The following MAN2A1 variants were observed in gnomAD, a reference collection of about 807,000 sequenced individuals.
MAN2A1 encodes the protein mannosidase alpha class 2A member 1.
MAN2A1 carries 76 observed loss-of-function variants against 142.6 expected under a neutral mutation model. The ratio of observed to expected loss-of-function variants is 0.53; its 90% CI spans 0.44 to 0.65. The LOEUF (loss-of-function observed/expected upper bound fraction) is 0.65. Ranked by LOEUF, MAN2A1 falls within the 30% of genes least tolerant of loss-of-function variation. The probability of loss-of-function intolerance (pLI) is 0.00; values close to 1 mark genes in which losing one functional copy is unlikely to be tolerated. For synonymous variants in MAN2A1, 559 were observed against 473.2 expected, an observed-to-expected ratio of 1.18 and a Z score of -2.35; for missense variants, 1,311 against 1,365.1, an observed-to-expected ratio of 0.96 and a Z score of 0.62.
At chr5:109,823,545 A>G (rs1260017467) in intron 15 of MAN2A1, among the ~76,000 whole-genome samples, 178 bp from the exon 16 acceptor site, 1 of 152,226 alleles carries the variant, frequency 6.6e-6, no homozygotes, top group Non-Finnish European at 1.5e-5. Context: ...TTTAAAAATA[A>G]AAAACACGTT....
intron 3 of MAN2A1, among the ~76,000 whole-genome samples, chr5:109,727,926 T>G (rs556509139): frequency 1.3e-4 from 20 of 152,244 alleles, no homozygotes; most frequent in Admixed American, 7.2e-4. Context: ...GAAATATCTT[T>G]GAGGTTTTAA....
At position 109,807,041 on chromosome 5, in the gene MAN2A1, A is replaced by T. The variant is rs1032443895; in HGVS notation, c.1944-10232A>T. 4.0e-5 allele frequency among the ~76,000 whole-genome samples: 6 copies of T among 151,756 alleles called. No individual in the cohort carries two copies. The East Asian group carries it at 1.2e-3, about 29-fold the overall frequency. ...AGAGTGTTCTGTACCTTAGCGTTGA[A>T]TTTTTTTTTCTTGTAAGAGCAGGCC... On this transcript the variant is annotated intron_variant, in intron 12 of 21. Coordinates refer to ENST00000261483, the MANE Select transcript of MAN2A1 (RefSeq NM_002372.4).
intron 19 of MAN2A1, chr5:109,854,334 A>G (rs189259580): frequency 6.6e-6 from 1 of 152,322 alleles, no homozygotes; most frequent in East Asian, 1.9e-4. Context: ...TACCAACATT[A>G]GTAGATTATT....
intron 8 of MAN2A1, among the ~76,000 whole-genome samples, chr5:109,775,830 A>G (rs75334358): frequency 0.019 from 2,933 of 152,308 alleles, 49 homozygotes; most frequent in Non-Finnish European, 0.029. Context: ...ATAAAAAACA[A>G]TTCTTTTAAC....
rs1213013153 is a variant in MAN2A1 at position 109,690,303 on chromosome 5, G to C, written c.-115G>C. 5.5e-6 allele frequency: 6 copies of C among 1,090,216 alleles called. No homozygotes were observed. In the East Asian group the frequency reaches 1.2e-4, roughly 22 times the overall value. The allele number at this position is 1,090,216 out of a possible 1,614,324, so 67.5% of individuals were successfully genotyped here. On this transcript the variant is annotated 5_prime_UTR_variant, in exon 1 of 22. Coordinates refer to ENST00000261483, the MANE Select transcript of MAN2A1 (RefSeq NM_002372.4). ...GGGACTCGCACCCGCATCCGAGAGCGCGGAGGTCGCGCAGCCCGGGAGAAG... is the reference window on the plus strand; with the variant it reads ...GGGACTCGCACCCGCATCCGAGAGCCCGGAGGTCGCGCAGCCCGGGAGAAG...
chr5:109,827,886 G>T (rs1247599945), intron 16 of MAN2A1, among the ~76,000 whole-genome samples: 1 of 152,124 alleles, frequency 6.6e-6, no homozygotes, highest in African/African-American at 2.4e-5. Context: ...CGGATCACAA[G>T]GTCAGGAGAT....
At chr5:109,812,558 G>A (rs979845011) in intron 12 of MAN2A1, among the ~76,000 whole-genome samples, 4 of 151,986 alleles carry the variant, frequency 2.6e-5, no homozygotes, top group Non-Finnish European at 5.9e-5. Context: ...CACTAATGAG[G>A]CTACTTAGAG....
intron 12 of MAN2A1, 57 bp downstream of exon 12, chr5:109,789,584 T>G: frequency 1.6e-6 from 2 of 1,240,344 alleles, no homozygotes; most frequent in Non-Finnish European, 2.2e-6. Context: ...AGTTTTTGGT[T>G]TTATGGTTCT....
At position 109,700,983 on chromosome 5, in the gene MAN2A1, T is replaced by C. The variant is rs188043608; in HGVS notation, c.135+10431T>C. On this transcript the variant is annotated intron_variant, in intron 1 of 21. Transcript: ENST00000261483. ...AACTATTAGAGCCAGTTAAGTGCTA[T>C]TATTCATTAGAAGTTAAAGAGGTTA... 5.5e-3 allele frequency among the ~76,000 whole-genome samples: 833 copies of C among 152,346 alleles called. 6 individuals are homozygous for C. Among genetic ancestry groups the C allele is most frequent in the Non-Finnish European group, 8.8e-3 (599 of 68,020 alleles).
intron 5 of MAN2A1, among the ~76,000 whole-genome samples, chr5:109,761,302 G>T (rs1752837444): frequency 6.6e-6 from 1 of 151,708 alleles, no homozygotes; most frequent in African/African-American, 2.4e-5. Flanking sequence ...TCTTGTTCCA[G>T]ATTTTTAATA....
intron 20 of MAN2A1, chr5:109,863,487 T>TG (rs1755805869): frequency 7.9e-5 from 12 of 152,290 alleles, no homozygotes; most frequent in Admixed American, 7.2e-4. Context: ...TCTGAACCAC[T>TG]CTTACTACAC....
At chr5:109,713,885 T>C in intron 2 of MAN2A1, 111 bp downstream of exon 2, 1 of 967,374 alleles carries the variant, frequency 1.0e-6, no homozygotes, top group Non-Finnish European at 1.5e-6. Context: ...CTTTGGATTC[T>C]AGTTTCTCTT....
At chr5:109,715,984 C>G in intron 2 of MAN2A1, 136 bp from the exon 3 acceptor site, 1 of 533,168 alleles carries the variant, frequency 1.9e-6, no homozygotes, top group South Asian at 3.7e-5. Flanking sequence ...ACTCTAAACT[C>G]CTCAATGTCT....
At chr5:109,769,709 T>C (rs1753089232) in intron 6 of MAN2A1, among the ~76,000 whole-genome samples, 1 of 152,228 alleles carries the variant, frequency 6.6e-6, no homozygotes, top group South Asian at 2.1e-4. Flanking sequence ...TTTCGCTTTT[T>C]GAAAATTACT....
intron 16 of MAN2A1, among the ~76,000 whole-genome samples, chr5:109,832,714 G>C (rs910924703): frequency 6.6e-6 from 1 of 152,196 alleles, no homozygotes; most frequent in African/African-American, 2.4e-5. Flanking sequence ...GGTGGCGGCC[G>C]GGCAGAGGGG....
intron 19 of MAN2A1, among the ~76,000 whole-genome samples, chr5:109,849,705 T>G (rs926937936): frequency 6.7e-6 from 1 of 149,690 alleles, no homozygotes; most frequent in Non-Finnish European, 1.5e-5. Context: ...CAGAATGGTT[T>G]TTTTTTTTGT....
intron 12 of MAN2A1, among the ~76,000 whole-genome samples, chr5:109,796,455 C>G (rs1753864456): frequency 6.6e-6 from 1 of 152,168 alleles, no homozygotes; most frequent in South Asian, 2.1e-4. Context: ...ATTTTCAGCT[C>G]AACTTTAACT....
At chr5:109,722,908 A>C (rs1376119469) in intron 3 of MAN2A1, among the ~76,000 whole-genome samples, 1 of 152,150 alleles carries the variant, frequency 6.6e-6, no homozygotes, top group Non-Finnish European at 1.5e-5. Flanking sequence ...TGTTTGGGGA[A>C]GACTTACTAT....
intron 16 of MAN2A1, among the ~76,000 whole-genome samples, chr5:109,824,786 T>C (rs1240800048): frequency 6.6e-6 from 1 of 152,198 alleles, no homozygotes; most frequent in East Asian, 1.9e-4. Flanking sequence ...ATCTCTTAAA[T>C]CACAGAAGTT....
Sources: gnomAD v4.1 joint callset for allele counts (sites outside exome capture counted in the v4.1 genomes callset) on GRCh38, gnomAD v4.1.1 for gene constraint, MANE v1.5 for transcripts, NCBI Gene and HGNC (gene_info 2026-07-23, HGNC 2026-07-21) for gene names.